The following ATP8A2 variants were observed in gnomAD, a reference collection of about 807,000 sequenced individuals.
ATP8A2 encodes the protein phospholipid-transporting ATPase IB.
ATP8A2 carries 100 observed loss-of-function variants against 165.6 expected under a neutral mutation model. That is an observed-to-expected ratio of 0.60 (90% CI 0.51 to 0.71). The LOEUF (loss-of-function observed/expected upper bound fraction) is 0.71. Among genes scored for constraint, ATP8A2 ranks in the 30% least tolerant of loss-of-function variants. ATP8A2 has a pLI of 0.00. For synonymous variants in ATP8A2, 543 were observed against 548.8 expected, an observed-to-expected ratio of 0.99 and a Z score of 0.15; for missense variants, 1,227 against 1,479.5, an observed-to-expected ratio of 0.83 and a Z score of 2.80.
intron 27 of ATP8A2, among the ~76,000 whole-genome samples, chr13:25,808,347 C>T (rs61947357): frequency 0.12 from 17,610 of 151,820 alleles, 1,404 homozygotes; most frequent in Non-Finnish European, 0.18. Flanking sequence ...TCTTGTAATC[C>T]CAGCACTTTG....
At chr13:25,730,215 C>A (rs1013271174) in intron 25 of ATP8A2, among the ~76,000 whole-genome samples, 1 of 152,138 alleles carries the variant, frequency 6.6e-6, no homozygotes, top group Non-Finnish European at 1.5e-5. Flanking sequence ...TGCCTGAACT[C>A]AGGTGGTTGA....
intron 25 of ATP8A2, among the ~76,000 whole-genome samples, chr13:25,714,845 C>T (rs1052770830): frequency 6.6e-6 from 1 of 152,154 alleles, no homozygotes; most frequent in Non-Finnish European, 1.5e-5. Flanking sequence ...TGGCTATCTA[C>T]TTGTAGGAAA....
At chr13:25,688,109 G>T (rs2419325) in intron 24 of ATP8A2, among the ~76,000 whole-genome samples, 1 of 63,638 alleles carries the variant, frequency 1.6e-5, no homozygotes, top group East Asian at 1.9e-4. Context: ...GGCTGTTTTC[G>T]TGCTGTTGTG....
intron 28 of ATP8A2, 110 bp downstream of exon 28, chr13:25,828,302 A>G: frequency 1.1e-6 from 1 of 924,582 alleles, no homozygotes; most frequent in Non-Finnish European, 1.7e-6. Context: ...CTGTATACTT[A>G]GCAGGCAGCA....
rs1956872926 is a variant in ATP8A2 at position 26,012,603 on chromosome 13, C to G, written c.3450C>G (p.Ser1150=). Residue 1150 remains serine, a synonymous_variant, in exon 36 of 37, where the codon TCC becomes TCG. Coordinates refer to ENST00000381655, the MANE Select transcript of ATP8A2 (RefSeq NM_016529.6). ...KTPPTLFRGS[S]LQQGVPHGYA... is the part of the protein sequence containing the mutation. ...CCCCGACGCTGTTCCGGGGCAGCTC[C>G]CTGCAGCAGGGCGTCCCGCGTGAGT... 6.6e-7 allele frequency: 1 copy of G among 1,504,918 alleles called. No homozygotes were observed. The highest frequency in any genetic ancestry group is 8.9e-7 in the Non-Finnish European group (1 of 1,127,164). 93.2% of individuals were successfully genotyped at this position (1,504,918 alleles called of 1,614,324 possible). A position where few individuals can be genotyped will look rare whatever the true frequency, so the allele number is the denominator to read the frequency against.
At chr13:25,396,593 C>A (rs1485716566) in intron 1 of ATP8A2, among the ~76,000 whole-genome samples, 3 of 152,084 alleles carry the variant, frequency 2.0e-5, no homozygotes, top group East Asian at 1.9e-4. Context: ...GCCTAATTTG[C>A]CCTTGACCCC....
chr13:25,741,378 G>GTTGT (rs912742852), intron 25 of ATP8A2, among the ~76,000 whole-genome samples: 2 of 152,062 alleles, frequency 1.3e-5, no homozygotes, highest in African/African-American at 4.8e-5. Flanking sequence ...CAACATTTTA[G>GTTGT]TTGTTTGTTT....
At chr13:25,949,945 A>T (rs1955308921) in intron 33 of ATP8A2, among the ~76,000 whole-genome samples, 1 of 152,074 alleles carries the variant, frequency 6.6e-6, no homozygotes, top group Non-Finnish European at 1.5e-5. Context: ...GACTATAGGC[A>T]CACACCACCA....
rs190321701 is a variant in ATP8A2, at chr13:25,573,144, C to G, written c.1662+1452C>G. On this transcript the variant is annotated intron_variant, in intron 18 of 36. Transcript: ENST00000381655. Reference sequence around the variant, plus strand: ...TTTTAAAAATGAGGTCTTTTTCCCCCCTTCAGTTGGAGGAGAATTTTAATC... The same window carrying G: ...TTTTAAAAATGAGGTCTTTTTCCCCGCTTCAGTTGGAGGAGAATTTTAATC... Among the ~76,000 whole-genome samples the G allele has an allele frequency of 1.8e-4, 27 of 152,202 alleles. No individual in the cohort carries two copies. The East Asian group carries it at 5.0e-3, about 28-fold the overall frequency.
chr13:26,008,577 T>C (rs1956787521), intron 35 of ATP8A2, among the ~76,000 whole-genome samples: 1 of 152,146 alleles, frequency 6.6e-6, no homozygotes, highest in African/African-American at 2.4e-5. Flanking sequence ...CCACAAACAT[T>C]CAAGCTGTTG....
intron 25 of ATP8A2, among the ~76,000 whole-genome samples, chr13:25,739,776 G>T (rs1051582874): frequency 6.6e-6 from 1 of 152,122 alleles, no homozygotes; most frequent in Non-Finnish European, 1.5e-5. Flanking sequence ...TGGAAGGACA[G>T]AAATATTATA....
intron 30 of ATP8A2, among the ~76,000 whole-genome samples, chr13:25,857,203 G>T (rs1284591468): frequency 6.6e-6 from 1 of 152,110 alleles, no homozygotes; most frequent in Non-Finnish European, 1.5e-5. Context: ...TCTGCATTCA[G>T]ACTCTGCACA....
At chr13:25,902,786 T>G (rs979508395) in intron 33 of ATP8A2, among the ~76,000 whole-genome samples, 7 of 152,156 alleles carry the variant, frequency 4.6e-5, no homozygotes, top group Non-Finnish European at 4.4e-5. Context: ...CAATTCTATG[T>G]GTTCAGCCCA....
intron 27 of ATP8A2, among the ~76,000 whole-genome samples, chr13:25,825,802 C>T (rs1951299918): frequency 6.6e-6 from 1 of 152,028 alleles, no homozygotes; most frequent in African/African-American, 2.4e-5. Context: ...TTTCCAAGCA[C>T]AGAACACAGC....
Position 25,754,030 on chromosome 13 carries a change from A to T in ATP8A2, c.2385-15016A>T, listed in dbSNP as rs17082719. ...GTCAATGAGCCGTTAGGCACTGCAG[A>T]TACCGTTTGTTCAGTCAAGATGGAT... On this transcript the variant is annotated intron_variant, in intron 25 of 36. Coordinates refer to ENST00000381655, the MANE Select transcript of ATP8A2 (RefSeq NM_016529.6). 4.4e-3 allele frequency among the ~76,000 whole-genome samples: 677 copies of T among 152,332 alleles called. 5 individuals are homozygous for T. The highest frequency in any genetic ancestry group is 0.015 in the African/African-American group (636 of 41,580).
intron 2 of ATP8A2, among the ~76,000 whole-genome samples, chr13:25,524,339 G>T (rs935222968): frequency 6.6e-6 from 1 of 152,168 alleles, no homozygotes; most frequent in Non-Finnish European, 1.5e-5. Flanking sequence ...TTCTGCAGCA[G>T]TTGGGTGAAA....
intron 25 of ATP8A2, among the ~76,000 whole-genome samples, chr13:25,721,879 T>C (rs2043389537): frequency 6.6e-6 from 1 of 152,240 alleles, no homozygotes; most frequent in African/African-American, 2.4e-5. Flanking sequence ...CCTTTTATTG[T>C]CTATGATAAA....
At chr13:25,984,575 C>T (rs1406894962) in intron 35 of ATP8A2, among the ~76,000 whole-genome samples, 1 of 148,798 alleles carries the variant, frequency 6.7e-6, no homozygotes, top group African/African-American at 2.5e-5. Context: ...TCTAGCCTTG[C>T]CGACAGAGTG....
chr13:25,570,964 C>G, intron 17 of ATP8A2, 92 bp downstream of exon 17: 2 of 891,094 alleles, frequency 2.2e-6, no homozygotes, highest in Non-Finnish European at 3.4e-6. Flanking sequence ...TGTAGTCCGT[C>G]CCACAGACTC....
Sources: allele counts gnomAD v4.1 joint callset (sites outside exome capture counted in the v4.1 genomes callset), GRCh38; gene constraint gnomAD v4.1.1; transcripts MANE v1.5; gene names NCBI Gene and HGNC (gene_info 2026-07-23, HGNC 2026-07-21).